Variants in JMJD1C observed in about 807,000 individuals in gnomAD.
JMJD1C encodes the protein jumonji domain-containing protein 1C.
JMJD1C carries 31 observed loss-of-function variants against 245.3 expected under a neutral mutation model. The ratio of observed to expected loss-of-function variants is 0.13; its 90% confidence interval spans 0.09 to 0.17. The LOEUF (loss-of-function observed/expected upper bound fraction) is 0.17, where lower values mean the gene tolerates loss of function less well. JMJD1C is among the 10% of genes least tolerant of loss of function. The probability of loss-of-function intolerance (pLI) is 1.00; values close to 1 mark genes in which losing one functional copy is unlikely to be tolerated. For synonymous variants in JMJD1C, 1,057 were observed against 1,017.4 expected (o/e 1.04, Z -0.74); for missense variants, 2,691 against 3,000.2 (o/e 0.90, Z 2.41).
chr10:63,315,803 G>A lies in JMJD1C; in HGVS notation c.334-51039C>T, dbSNP rs112935260. Among the ~76,000 whole-genome samples the A allele has an allele frequency of 7.5e-3, 1,064 of 141,082 alleles. 14 individuals carry two copies. Among genetic ancestry groups the A allele is most frequent in the African/African-American group, 0.027 (992 of 36,182 alleles). The allele number at this position is 141,082 out of a possible 152,430, so 92.6% of individuals were successfully genotyped here. A position where few individuals can be genotyped will look rare whatever the true frequency, so the allele number is the denominator to read the frequency against. On this transcript the variant is annotated intron_variant, in intron 2 of 25. Transcript: ENST00000399262. ...TGCAGTGACCCAAGATTGCGCCACT[G>A]CACTCCAGCCTGGGGACAGAGTGAG...
rs532405620 is a variant in JMJD1C at position 63,368,557 on chromosome 10, G to A, written c.333+11761C>T. On this transcript the variant is annotated intron_variant, in intron 2 of 25. Transcript: ENST00000399262. The stretch of plus-strand genomic sequence containing the variant: ...AGGTAAGGGTCAATTCTGCTGAGGC[G>A]GCATAGCAAATTCCTCTGCAATTCT... Among the ~76,000 whole-genome samples the A allele has an allele frequency of 2.0e-4, 30 of 152,134 alleles. No homozygotes were observed. The South Asian group carries it at 4.8e-3, about 24-fold the overall frequency.
chr10:63,505,316 CAA>C (rs145038480), intron 1 of JMJD1C, among the ~76,000 whole-genome samples: 8 of 57,304 alleles, frequency 1.4e-4, no homozygotes, highest in Admixed American at 1.8e-4. Flanking sequence ...GAGTCCGTCT[CAA>C]AAAAAAAAAA....
intron 3 of JMJD1C, among the ~76,000 whole-genome samples, chr10:63,226,582 G>T (rs1490432707): frequency 2.6e-5 from 4 of 151,794 alleles, no homozygotes; most frequent in Non-Finnish European, 5.9e-5. Flanking sequence ...GCATGGTGGG[G>T]TGCGCACCTG....
intron 2 of JMJD1C, among the ~76,000 whole-genome samples, chr10:63,378,025 G>A (rs1024961624): frequency 3.3e-5 from 5 of 149,412 alleles, no homozygotes; most frequent in Admixed American, 2.0e-4. Flanking sequence ...CTTAGTAATA[G>A]GACTAAAAAG....
intron 2 of JMJD1C, among the ~76,000 whole-genome samples, chr10:63,336,437 G>A (rs1278505514): frequency 2.0e-5 from 3 of 152,184 alleles, no homozygotes; most frequent in South Asian, 4.2e-4. Context: ...CAGCCTGGGC[G>A]ACAGAGCAAG....
intron 4 of JMJD1C, among the ~76,000 whole-genome samples, chr10:63,219,043 T>C (rs1416456965): frequency 2.6e-5 from 4 of 152,098 alleles, no homozygotes; most frequent in East Asian, 1.9e-4. Flanking sequence ...CAAGATTTGA[T>C]AGTTGTTGGG....
chr10:63,419,834 TAAAAAAAA>T (rs34006135), intron 1 of JMJD1C, among the ~76,000 whole-genome samples: 1 of 114,524 alleles, frequency 8.7e-6, no homozygotes, highest in Non-Finnish European at 1.8e-5. Flanking sequence ...CTCCATGAAA[TAAAAAAAA>T]AAAAAAAAAA....
intron 22 of JMJD1C, 50 bp downstream of exon 22, chr10:63,183,397 T>C (rs748186980): frequency 6.6e-7 from 1 of 1,512,824 alleles, no homozygotes; most frequent in South Asian, 1.2e-5. Context: ...TACTAGTGAA[T>C]GTGATTATTC....
intron 3 of JMJD1C, among the ~76,000 whole-genome samples, chr10:63,246,775 G>GA (rs1207543796): frequency 1.3e-5 from 2 of 151,856 alleles, no homozygotes; most frequent in Non-Finnish European, 2.9e-5. Context: ...AATAAACCTA[G>GA]AAATCAGTAG....
Position 63,173,120 on chromosome 10 carries a change from T to C in JMJD1C, c.7401+3177A>G, listed in dbSNP as rs373125375. Among the ~76,000 whole-genome samples, 5 of 152,148 alleles carry C rather than the reference T, an allele frequency of 3.3e-5. 1 individual carries two copies. The East Asian group carries it at 7.7e-4, about 24-fold the overall frequency. On this transcript the variant is annotated intron_variant, in intron 24 of 25. Coordinates refer to ENST00000399262, the MANE Select transcript of JMJD1C (RefSeq NM_032776.3). ...GATACTGAATTTTCACCGTGAACTT[T>C]TTATACTTTTGAATTTTTCTGTTTA...
At chr10:63,338,413 C>T (rs777370068) in intron 2 of JMJD1C, among the ~76,000 whole-genome samples, 1 of 151,876 alleles carries the variant, frequency 6.6e-6, no homozygotes, top group South Asian at 2.1e-4. Context: ...GGATTACAGG[C>T]ATGAGCCACC....
chr10:63,478,960 G>A (rs1953746327), intron 1 of JMJD1C, among the ~76,000 whole-genome samples: 1 of 152,088 alleles, frequency 6.6e-6, no homozygotes, highest in South Asian at 2.1e-4. Context: ...ATGAGACCCT[G>A]TCTCAAAAAC....
intron 1 of JMJD1C, among the ~76,000 whole-genome samples, chr10:63,401,927 G>A (rs1441263963): frequency 1.3e-5 from 2 of 152,070 alleles, no homozygotes; most frequent in Admixed American, 6.6e-5. Context: ...CTGAGGTCGG[G>A]AGTTCGAGAT....
intron 2 of JMJD1C, among the ~76,000 whole-genome samples, chr10:63,299,430 G>A (rs952963587): frequency 1.4e-5 from 2 of 147,674 alleles, no homozygotes; most frequent in East Asian, 4.0e-4. Context: ...GGCCTCAAGT[G>A]ATCTGCCCAC....
At position 63,193,908 on chromosome 10, in the gene JMJD1C, C is replaced by T. The variant is rs577990863; in HGVS notation, c.5734+378G>A. 1.1e-4 allele frequency among the ~76,000 whole-genome samples: 16 copies of T among 152,318 alleles called. No individual in the cohort carries two copies. In the East Asian group the frequency reaches 2.5e-3, roughly 24 times the overall value. Reference sequence around the variant, plus strand: ...GTCTCGATCTCCTGACCTCGTGATCCGCCGGCCTTGGCCTCCCAAAATGCT... The same window carrying T: ...GTCTCGATCTCCTGACCTCGTGATCTGCCGGCCTTGGCCTCCCAAAATGCT... On this transcript the variant is annotated intron_variant, in intron 14 of 25. Transcript: ENST00000399262.
chr10:63,414,361 T>G (rs1589701964), intron 1 of JMJD1C, among the ~76,000 whole-genome samples: 1 of 152,166 alleles, frequency 6.6e-6, no homozygotes, highest in South Asian at 2.1e-4. Context: ...GTTTCTCTTT[T>G]TTTAACCTTA....
intron 1 of JMJD1C, among the ~76,000 whole-genome samples, chr10:63,508,711 C>T (rs1028866225): frequency 2.0e-5 from 3 of 152,016 alleles, no homozygotes; most frequent in Non-Finnish European, 4.4e-5. Flanking sequence ...TAGATTTATA[C>T]CTATAAATTT....
chr10:63,299,743 T>C (rs895928515), intron 2 of JMJD1C, among the ~76,000 whole-genome samples: 2 of 152,120 alleles, frequency 1.3e-5, no homozygotes, highest in South Asian at 4.1e-4. Context: ...TTAATTCCTA[T>C]GAATTCCAAG....
intron 1 of JMJD1C, among the ~76,000 whole-genome samples, chr10:63,461,032 T>A (rs1193539297): frequency 6.6e-6 from 1 of 152,184 alleles, no homozygotes; most frequent in East Asian, 1.9e-4. Flanking sequence ...CCCCTTTAAT[T>A]TTACACAGAA....
Sources: gnomAD v4.1 joint callset for allele counts (sites outside exome capture counted in the v4.1 genomes callset) on GRCh38, gnomAD v4.1.1 for gene constraint, MANE v1.5 for transcripts, NCBI Gene and HGNC (gene_info 2026-07-23, HGNC 2026-07-21) for gene names.